Variants in PTPRC observed in about 807,000 individuals in gnomAD.
PTPRC encodes the protein protein tyrosine phosphatase receptor type C.
In PTPRC, 44 loss-of-function variants were observed where a neutral mutation model predicts 155.9. That is an observed-to-expected ratio of 0.28 (90% CI 0.22 to 0.36). PTPRC has a LOEUF of 0.36. Among genes scored for constraint, PTPRC ranks in the 10% least tolerant of loss-of-function variants. The pLI, the probability that PTPRC is intolerant of heterozygous loss-of-function variation, is 1.00. For missense variants in PTPRC, 1,401 were observed against 1,564.6 expected (o/e 0.90, Z 1.76); for synonymous variants, 525 against 533.1 (o/e 0.98, Z 0.21).
At chr1:198,639,761 G>T (rs1413607273) in intron 2 of PTPRC, among the ~76,000 whole-genome samples, 1 of 151,938 alleles carries the variant, frequency 6.6e-6, no homozygotes, top group African/African-American at 2.4e-5. Context: ...AGCTTTGGTT[G>T]TATGTAAGCC....
intron 3 of PTPRC, chr1:198,694,475 T>C (rs1666097801): frequency 2.0e-6 from 2 of 1,015,536 alleles, no homozygotes; most frequent in Non-Finnish European, 2.4e-6. Context: ...TCAAATACTA[T>C]TATAAGGAGA....
At chr1:198,707,530 C>T (rs1337071152) in intron 9 of PTPRC, among the ~76,000 whole-genome samples, 2 of 151,692 alleles carry the variant, frequency 1.3e-5, no homozygotes, top group Admixed American at 1.3e-4. Flanking sequence ...ATTCCAGAGC[C>T]GTGTAATTTT....
chr1:198,654,723 G>T (rs1663455421), intron 2 of PTPRC, among the ~76,000 whole-genome samples: 1 of 151,684 alleles, frequency 6.6e-6, no homozygotes, highest in Non-Finnish European at 1.5e-5. Context: ...GCAAAGGAAA[G>T]TTTCTCAAAA....
chr1:198,686,595 G>A (rs1224817125), intron 2 of PTPRC, among the ~76,000 whole-genome samples: 1 of 151,820 alleles, frequency 6.6e-6, no homozygotes, highest in East Asian at 1.9e-4. Flanking sequence ...CTACACATGT[G>A]CCCTCTTAAT....
Position 198,716,693 on chromosome 1 carries a change from C to T in PTPRC, c.1303C>T (p.Leu435Phe), listed in dbSNP as rs1440434993. Residue 435 changes from leucine to phenylalanine, a missense_variant, in exon 13 of 33, where the codon CTC (leucine) becomes TTC (phenylalanine). Coordinates refer to ENST00000442510, the MANE Select transcript of PTPRC (RefSeq NM_002838.5). ...ACATTTTTCCTCAGAAAAAGATTGC[C>T]TCAATCTGGATAAAAACCTGATCAA... ...CYIKETEKDC[L>F]NLDKNLIKYD... 3 of 1,611,678 alleles carry T rather than the reference C, an allele frequency of 1.9e-6. No individual in the cohort carries two copies. Among genetic ancestry groups the T allele is most frequent in the South Asian group, 2.2e-5 (2 of 90,960 alleles).
intron 2 of PTPRC, among the ~76,000 whole-genome samples, chr1:198,686,588 C>T (rs1451606191): frequency 6.6e-6 from 1 of 152,012 alleles, no homozygotes; most frequent in Non-Finnish European, 1.5e-5. Flanking sequence ...CACACACCTA[C>T]ACATGTGCCC....
intron 2 of PTPRC, among the ~76,000 whole-genome samples, chr1:198,681,658 A>G (rs1484398821): frequency 1.3e-5 from 2 of 149,816 alleles, no homozygotes; most frequent in Non-Finnish European, 3.0e-5. Context: ...TAATGAATTA[A>G]TAAAGCTTAG....
chr1:198,652,103 G>A (rs188355771), intron 2 of PTPRC, among the ~76,000 whole-genome samples: 5 of 151,786 alleles, frequency 3.3e-5, no homozygotes, highest in African/African-American at 1.2e-4. Flanking sequence ...TGAAAAAAGG[G>A]CGCATCAGGT....
intron 32 of PTPRC, among the ~76,000 whole-genome samples, chr1:198,754,921 T>C (rs1655558855): frequency 6.6e-6 from 1 of 152,096 alleles, no homozygotes. Context: ...TAGGCTGGCA[T>C]GTGGCTGCCA....
intron 2 of PTPRC, among the ~76,000 whole-genome samples, chr1:198,653,854 C>A (rs1412088184): frequency 2.6e-5 from 4 of 151,788 alleles, no homozygotes; most frequent in Non-Finnish European, 5.9e-5. Context: ...AAAAGTAAAG[C>A]ATTATTTATT....
At chr1:198,727,380 C>T (rs1169967546) in intron 15 of PTPRC, among the ~76,000 whole-genome samples, 1 of 152,152 alleles carries the variant, frequency 6.6e-6, no homozygotes, top group Middle Eastern at 3.4e-3. Flanking sequence ...TCCATGAGGA[C>T]AGGACCCTTG....
intron 2 of PTPRC, among the ~76,000 whole-genome samples, chr1:198,655,076 T>C (rs915975930): frequency 1.3e-5 from 2 of 151,978 alleles, no homozygotes; most frequent in Non-Finnish European, 2.9e-5. Flanking sequence ...GACCAGAGAA[T>C]GTGTCTTCTA....
intron 12 of PTPRC, 34 bp downstream of exon 12, chr1:198,713,106 G>A (rs1268335399): frequency 1.2e-6 from 2 of 1,612,124 alleles, no homozygotes; most frequent in South Asian, 2.2e-5. Flanking sequence ...CATCAGAAAA[G>A]AGAAATCAAG....
At chr1:198,715,264 A>G (rs1003904203) in intron 12 of PTPRC, among the ~76,000 whole-genome samples, 3 of 151,936 alleles carry the variant, frequency 2.0e-5, no homozygotes, top group Non-Finnish European at 4.4e-5. Flanking sequence ...CTGGGACTAC[A>G]GGCGCCCGCC....
intron 10 of PTPRC, 142 bp downstream of exon 10, chr1:198,708,403 T>G: frequency 1.3e-6 from 1 of 777,596 alleles, no homozygotes; most frequent in Non-Finnish European, 2.0e-6. Context: ...CTTTCTTGTC[T>G]TTTTCTTGGT....
intron 2 of PTPRC, among the ~76,000 whole-genome samples, chr1:198,661,141 T>A (rs188466851): frequency 8.5e-5 from 13 of 152,270 alleles, no homozygotes; most frequent in Admixed American, 2.6e-4. Flanking sequence ...ATCTTAACAC[T>A]GTTAATTGAA....
Position 198,742,356 on chromosome 1 carries a change from G to A in PTPRC, c.2686G>A (p.Val896Ile), listed in dbSNP as rs2102516361. 1 of 1,611,982 alleles carries A rather than the reference G, an allele frequency of 6.2e-7. No individual in the cohort carries two copies. Among genetic ancestry groups the A allele is most frequent in the Non-Finnish European group, 8.5e-7 (1 of 1,178,640 alleles). The change falls in exon 25 of 33, where the codon GTT becomes ATT. Residue 896 changes from valine (V) to isoleucine (I), a missense_variant. This residue lies in a region of PTPRC where 134 missense variants were observed against 204.7 expected (regional missense o/e 0.65). Coordinates refer to ENST00000442510, the MANE Select transcript of PTPRC (RefSeq NM_002838.5). Reference sequence around the variant, plus strand: ...GCTAAGGCGACAGAGATGCCTGATGGTTCAAGTAGAGGTATGTTCTAACCT... The same window carrying A: ...GCTAAGGCGACAGAGATGCCTGATGATTCAAGTAGAGGTATGTTCTAACCT... ...VKLRRQRCLM[V>I]QVEAQYILIH...
At chr1:198,745,996 T>A (rs531437909) in intron 26 of PTPRC, among the ~76,000 whole-genome samples, 1 of 151,832 alleles carries the variant, frequency 6.6e-6, no homozygotes, top group East Asian at 2.0e-4. Context: ...ATATTTGGAA[T>A]GAAACCTACA....
chr1:198,702,441 C>A lies in PTPRC; in HGVS notation c.494C>A (p.Pro165Gln). 1 of 1,614,200 alleles carries A rather than the reference C, an allele frequency of 6.2e-7. No individual in the cohort carries two copies. Among genetic ancestry groups the A allele is most frequent in the Non-Finnish European group, 8.5e-7 (1 of 1,180,038 alleles). The stretch of plus-strand genomic sequence containing the variant: ...ACCTTTCCTACAGACCCAGTTTCCC[C>A]ATTGACAACCACCCTCAGCCTTGCA... ...ASTFPTDPVSPLTTTLSLAHH... is the reference protein window; with the variant it reads ...ASTFPTDPVSQLTTTLSLAHH... Residue 165 changes from proline to glutamine, a missense_variant, in exon 6 of 33, where the codon CCA (proline) becomes CAA (glutamine). By Grantham distance (76) the Pro-to-Gln change is moderately conservative (BLOSUM62 -1). Coordinates refer to ENST00000442510, the MANE Select transcript of PTPRC (RefSeq NM_002838.5).
Sources: allele counts gnomAD v4.1 joint callset (sites outside exome capture counted in the v4.1 genomes callset), GRCh38; gene constraint gnomAD v4.1.1; regional missense constraint gnomAD v4.1.1; transcripts MANE v1.5; gene names NCBI Gene and HGNC (gene_info 2026-07-23, HGNC 2026-07-21).